The following CDH8 variants were observed in gnomAD, a reference collection of about 807,000 sequenced individuals.
The protein encoded by CDH8 is cadherin-8.
A neutral mutation model predicts 68.1 loss-of-function variants in CDH8; 17 were observed. The ratio of observed to expected loss-of-function variants is 0.25; its 90% CI spans 0.17 to 0.37. The LOEUF is 0.37. CDH8 is among the 10% of genes least tolerant of loss of function. The pLI is 1.00. For synonymous variants in CDH8, 372 were observed against 365.1 expected (o/e 1.02, Z -0.21); for missense variants, 763 against 999.3 (o/e 0.76, Z 3.19).
chr16:61,695,164 G>C (rs1964302898), intron 10 of CDH8, among the ~76,000 whole-genome samples: 1 of 151,864 alleles, frequency 6.6e-6, no homozygotes, highest in Admixed American at 6.6e-5. Flanking sequence ...AGTCCGAGAG[G>C]GGAAACCATT....
intron 2 of CDH8, among the ~76,000 whole-genome samples, chr16:61,973,146 T>C (rs1365599230): frequency 6.6e-6 from 1 of 152,168 alleles, no homozygotes; most frequent in Non-Finnish European, 1.5e-5. Flanking sequence ...CCTCCCCTTC[T>C]ACCTCTTCTG....
At chr16:61,711,982 C>T (rs369499338) in intron 10 of CDH8, among the ~76,000 whole-genome samples, 2 of 151,750 alleles carry the variant, frequency 1.3e-5, no homozygotes, top group African/African-American at 4.8e-5. Flanking sequence ...TAATAACTGA[C>T]ATCTTTAAAA....
intron 6 of CDH8, chr16:61,817,978 C>T: frequency 2.6e-6 from 1 of 384,134 alleles, no homozygotes; most frequent in South Asian, 5.9e-5. Context: ...ACTTGGAATT[C>T]ACAAAATATT....
intron 8 of CDH8, among the ~76,000 whole-genome samples, chr16:61,771,098 T>C (rs1025627787): frequency 4.6e-5 from 7 of 151,942 alleles, no homozygotes; most frequent in African/African-American, 1.7e-4. Context: ...TTGTAGAATA[T>C]ATAATTGCCT....
intron 4 of CDH8, among the ~76,000 whole-genome samples, chr16:61,852,971 G>C (rs2143013705): frequency 6.7e-6 from 1 of 150,254 alleles, no homozygotes. Context: ...ACTTCTAGGT[G>C]CCAGACATCT....
At chr16:62,000,914 A>T (rs1444592868) in intron 2 of CDH8, among the ~76,000 whole-genome samples, 1 of 152,206 alleles carries the variant, frequency 6.6e-6, no homozygotes, top group African/African-American at 2.4e-5. Context: ...AAAAATTTGC[A>T]TTATCATTAT....
At chr16:61,655,268 A>C (rs1963416142) in intron 11 of CDH8, among the ~76,000 whole-genome samples, 1 of 152,144 alleles carries the variant, frequency 6.6e-6, no homozygotes, top group African/African-American at 2.4e-5. Flanking sequence ...AAGGCACTGA[A>C]AGTCCTCTTC....
intron 4 of CDH8, among the ~76,000 whole-genome samples, chr16:61,839,015 T>A (rs569313280): frequency 9.9e-4 from 151 of 152,248 alleles, no homozygotes; most frequent in African/African-American, 3.5e-3. Context: ...TTACTCCAAG[T>A]CACAGTGCTA....
chr16:61,999,431 G>T (rs138009984), intron 2 of CDH8, among the ~76,000 whole-genome samples: 312 of 152,198 alleles, frequency 2.0e-3, no homozygotes, highest in African/African-American at 7.3e-3. Flanking sequence ...GAAGTCACAG[G>T]CTACTTCCAC....
chr16:61,753,463 C>T (rs549303256), intron 8 of CDH8, among the ~76,000 whole-genome samples: 135 of 152,184 alleles, frequency 8.9e-4, no homozygotes, highest in Admixed American at 1.6e-3. Flanking sequence ...GGGTCTCAGA[C>T]TCTTGGCCTT....
intron 2 of CDH8, among the ~76,000 whole-genome samples, chr16:61,904,921 G>A (rs1256405959): frequency 1.3e-5 from 2 of 152,190 alleles, no homozygotes; most frequent in East Asian, 3.9e-4. Context: ...GATCAGCAGT[G>A]GCATTAGATT....
chr16:61,815,327 G>A (rs183021318), intron 7 of CDH8, among the ~76,000 whole-genome samples: 1 of 152,254 alleles, frequency 6.6e-6, no homozygotes, highest in East Asian at 1.9e-4. Flanking sequence ...CAACTACAAT[G>A]AGAATCTTCT....
At chr16:61,847,566 A>G (rs1288910472) in intron 4 of CDH8, among the ~76,000 whole-genome samples, 1 of 141,718 alleles carries the variant, frequency 7.1e-6, no homozygotes, top group African/African-American at 2.7e-5. Flanking sequence ...ATATATATAT[A>G]TATGTAATTA....
chr16:61,724,513 C>T (rs996752395), intron 9 of CDH8, among the ~76,000 whole-genome samples: 1 of 150,468 alleles, frequency 6.6e-6, no homozygotes, highest in Non-Finnish European at 1.5e-5. Flanking sequence ...CTTATCCTTC[C>T]TTGATTATTG....
In CDH8 at chr16:61,768,314, TTCTCTCTCTCTCTC is replaced by T. The variant is rs1206629963; in HGVS notation, c.1414+21018_1414+21031del. ...AGGCTCTCTCTCTGTGTCTCTCCCTTTCTCTCTCTCTCTCTCTCTCTCTCTCTCTCTCTCTCTCT... is the reference window on the plus strand; with the variant it reads ...AGGCTCTCTCTCTGTGTCTCTCCCTTTCTCTCTCTCTCTCTCTCTCTCTCT... On this transcript the variant is annotated intron_variant, in intron 8 of 11. Transcript: ENST00000577390. Among the ~76,000 whole-genome samples, 168 of 17,172 alleles carry T rather than the reference TTCTCTCTCTCTCTC, an allele frequency of 9.8e-3. 1 individual carries two copies. Among genetic ancestry groups the T allele is most frequent in the Non-Finnish European group, 0.014 (123 of 8,944 alleles). The allele number at this position is 17,172 out of a possible 152,430, so 11.3% of individuals were successfully genotyped here. A position where few individuals can be genotyped will look rare whatever the true frequency, so the allele number is the denominator to read the frequency against.
intron 10 of CDH8, among the ~76,000 whole-genome samples, chr16:61,666,001 T>A (rs1963669043): frequency 6.6e-6 from 1 of 151,968 alleles, no homozygotes. Context: ...AAACAATTCA[T>A]AAATTTTAAA....
chr16:61,689,810 T>A (rs576787487), intron 10 of CDH8, among the ~76,000 whole-genome samples: 1 of 152,036 alleles, frequency 6.6e-6, no homozygotes, highest in African/African-American at 2.4e-5. Flanking sequence ...AATAATACTA[T>A]GAGGATGGTT....
At chr16:62,005,730 G>A (rs1431300982) in intron 2 of CDH8, among the ~76,000 whole-genome samples, 4 of 91,084 alleles carry the variant, frequency 4.4e-5, no homozygotes, top group Non-Finnish European at 6.4e-5. Context: ...ACTAGACTTC[G>A]TCTTAAAAAA....
At chr16:61,691,145 A>G (rs913464603) in intron 10 of CDH8, among the ~76,000 whole-genome samples, 3 of 152,090 alleles carry the variant, frequency 2.0e-5, no homozygotes, top group Admixed American at 2.0e-4. Flanking sequence ...AGTCCAGGTT[A>G]ACTTCCTTCA....
Sources: allele counts gnomAD v4.1 joint callset (sites outside exome capture counted in the v4.1 genomes callset), GRCh38; gene constraint gnomAD v4.1.1; transcripts MANE v1.5; gene names NCBI Gene and HGNC (gene_info 2026-07-23, HGNC 2026-07-21).